Variants in NRXN3 observed in about 807,000 individuals in gnomAD.
NRXN3 encodes neurexin 3, also known as neurexin III.
In NRXN3, 32 loss-of-function variants were observed where a neutral mutation model predicts 137.6. The observed-to-expected ratio is 0.23, with a 90% CI of 0.18 to 0.31. The LOEUF (loss-of-function observed/expected upper bound fraction) is 0.31, where lower values mean the gene tolerates loss of function less well. Among genes scored for constraint, NRXN3 ranks in the 10% least tolerant of loss-of-function variants. The pLI, the probability that NRXN3 is intolerant of heterozygous loss-of-function variation, is 1.00. For missense variants in NRXN3, 1,574 were observed against 2,062.5 expected, an observed-to-expected ratio of 0.76 and a Z score of 4.59; for synonymous variants, 798 against 784.5, an observed-to-expected ratio of 1.02 and a Z score of -0.29.
rs987607150 is a variant in NRXN3, at chr14:79,246,493, G to C, written c.3263-220728G>C. Reference sequence around the variant, plus strand: ...GATCCTCTCCATCCAGTGGAATCCAGCCTTGTCTTTATCTAGCATAAACCT... The same window carrying C: ...GATCCTCTCCATCCAGTGGAATCCACCCTTGTCTTTATCTAGCATAAACCT... On this transcript the variant is annotated intron_variant, in intron 15 of 20. Coordinates refer to ENST00000335750, the MANE Select transcript of NRXN3 (RefSeq NM_001330195.2). Among the ~76,000 whole-genome samples the C allele has an allele frequency of 1.1e-3, 171 of 152,250 alleles. 1 individual carries two copies. Among genetic ancestry groups the C allele is most frequent in the Non-Finnish European group, 3.7e-4 (25 of 68,018 alleles).
chr14:79,619,611 G>C (rs2098199947), intron 16 of NRXN3, among the ~76,000 whole-genome samples: 1 of 151,932 alleles, frequency 6.6e-6, no homozygotes, highest in Admixed American at 6.6e-5. Context: ...CCATCTCAAA[G>C]TCCTAACAAT....
intron 15 of NRXN3, among the ~76,000 whole-genome samples, chr14:79,140,525 T>A (rs1373690068): frequency 2.6e-5 from 4 of 151,866 alleles, no homozygotes; most frequent in Non-Finnish European, 5.9e-5. Context: ...ATGATTTTTT[T>A]AAATCATAAG....
chr14:78,188,816 G>T (rs10130825), intron 1 of NRXN3, among the ~76,000 whole-genome samples: 1 of 152,058 alleles, frequency 6.6e-6, no homozygotes, highest in South Asian at 2.1e-4. Flanking sequence ...GGATTCCTAC[G>T]GGTTGGTTGG....
chr14:78,983,728 G>A (rs182821199), intron 14 of NRXN3, among the ~76,000 whole-genome samples: 150 of 151,826 alleles, frequency 9.9e-4, no homozygotes, highest in Non-Finnish European at 1.6e-3. Flanking sequence ...ATGGTGGTGT[G>A]TGCCTGTAGT....
At chr14:79,169,658 C>G (rs575109474) in intron 15 of NRXN3, among the ~76,000 whole-genome samples, 1 of 152,210 alleles carries the variant, frequency 6.6e-6, no homozygotes, top group South Asian at 2.1e-4. Context: ...TAGATTTTGT[C>G]CTGTATGCCC....
At chr14:79,787,644 C>G (rs1257860558) in intron 19 of NRXN3, among the ~76,000 whole-genome samples, 1 of 152,112 alleles carries the variant, frequency 6.6e-6, no homozygotes, top group Non-Finnish European at 1.5e-5. Context: ...TGAGATCATA[C>G]GGGATTTGTC....
chr14:79,805,034 T>C lies in NRXN3; in HGVS notation c.4015-78T>C, dbSNP rs1603545820. 8 of 977,530 alleles carry C rather than the reference T, an allele frequency of 8.2e-6. No individual in the cohort carries two copies. The Middle Eastern group carries it at 6.4e-4, about 79-fold the overall frequency. The allele number at this position is 977,530 out of a possible 1,614,324, so 60.6% of individuals were successfully genotyped here. ...GGGACACAGTGATAAATCTTTGATG[T>C]CTTTGTTCATTAGTTTCCTTATCTC... On this transcript the variant is annotated intron_variant, in intron 19 of 20. Coordinates refer to ENST00000335750, the MANE Select transcript of NRXN3 (RefSeq NM_001330195.2).
intron 10 of NRXN3, among the ~76,000 whole-genome samples, chr14:78,872,022 C>T (rs546572835): frequency 2.0e-5 from 3 of 152,032 alleles, no homozygotes; most frequent in Admixed American, 1.3e-4. Flanking sequence ...GATCTAACTC[C>T]TCCCCACCTC....
chr14:79,159,706 C>T (rs1470387808), intron 15 of NRXN3, among the ~76,000 whole-genome samples: 1 of 151,700 alleles, frequency 6.6e-6, no homozygotes, highest in East Asian at 2.0e-4. Context: ...CCAAGCTTCA[C>T]CATAAATTTC....
At chr14:79,433,147 A>T (rs61993137) in intron 15 of NRXN3, among the ~76,000 whole-genome samples, 3 of 152,214 alleles carry the variant, frequency 2.0e-5, no homozygotes, top group Non-Finnish European at 4.4e-5. Flanking sequence ...GAATGTCTGC[A>T]GAAAGAAACG....
chr14:79,841,626 A>G (rs2099356061), intron 20 of NRXN3, among the ~76,000 whole-genome samples: 1 of 152,148 alleles, frequency 6.6e-6, no homozygotes. Context: ...CCTGATCACC[A>G]TTCCCCCATT....
At chr14:79,607,450 G>A (rs1452387727) in intron 16 of NRXN3, among the ~76,000 whole-genome samples, 1 of 152,136 alleles carries the variant, frequency 6.6e-6, no homozygotes, top group South Asian at 2.1e-4. Flanking sequence ...TTGTTATTTT[G>A]GCAAAAGCGT....
chr14:79,063,922 T>C (rs1161642335), intron 15 of NRXN3, among the ~76,000 whole-genome samples: 1 of 152,208 alleles, frequency 6.6e-6, no homozygotes, highest in Non-Finnish European at 1.5e-5. Context: ...TATGATCTTT[T>C]TATCTTAGCC....
chr14:78,715,240 C>A lies in NRXN3; in HGVS notation c.2044+101C>A, dbSNP rs557207278. 9 of 1,426,552 alleles carry A rather than the reference C, an allele frequency of 6.3e-6. No homozygotes were observed. In the African/African-American group the frequency reaches 1.3e-4, roughly 20 times the overall value. The allele number at this position is 1,426,552 out of a possible 1,614,324, so 88.4% of individuals were successfully genotyped here. A position where few individuals can be genotyped will look rare whatever the true frequency, so the allele number is the denominator to read the frequency against. ...AAGCCTTCGCACCTACCTGCACTTT[C>A]TTTCTTCCAAGAGTTTTTGGGTTTA... On this transcript the variant is annotated intron_variant, in intron 8 of 20. Transcript: ENST00000335750.
At chr14:79,163,388 G>T (rs1369918065) in intron 15 of NRXN3, among the ~76,000 whole-genome samples, 1 of 151,866 alleles carries the variant, frequency 6.6e-6, no homozygotes, top group East Asian at 1.9e-4. Flanking sequence ...GAAAATGGTG[G>T]CTTTTGGTCT....
At position 78,966,396 on chromosome 14, in the gene NRXN3, C is replaced by T; in HGVS notation, c.2767C>T (p.Leu923Phe). The change falls in exon 12 of 21, where the codon CTT becomes TTT. Residue 923 changes from leucine (L) to phenylalanine (F), a missense_variant. Leu to Phe is a conservative substitution (Grantham distance 22). Transcript: ENST00000335750. Reference sequence around the variant, plus strand: ...TGGCAATGACTTCATTGCAGTCGAGCTTGTCAAGGGGTAAGTAGAAGGGAT... The same window carrying T: ...TGGCAATGACTTCATTGCAGTCGAGTTTGTCAAGGGGTAAGTAGAAGGGAT... Reference protein sequence around the residue: ...GDGNDFIAVELVKGYIHYVFD... With the variant: ...GDGNDFIAVEFVKGYIHYVFD... 6.2e-7 allele frequency: 1 copy of T among 1,612,242 alleles called. No individual in the cohort carries two copies. The highest frequency in any genetic ancestry group is 8.5e-7 in the Non-Finnish European group (1 of 1,178,452).
At chr14:78,984,174 T>C (rs2099497002) in intron 14 of NRXN3, among the ~76,000 whole-genome samples, 1 of 152,142 alleles carries the variant, frequency 6.6e-6, no homozygotes, top group Non-Finnish European at 1.5e-5. Flanking sequence ...CTACAGCAAA[T>C]AATAGCGTAT....
intron 16 of NRXN3, among the ~76,000 whole-genome samples, chr14:79,626,522 A>C (rs1359808378): frequency 6.6e-6 from 1 of 152,142 alleles, no homozygotes; most frequent in Non-Finnish European, 1.5e-5. Context: ...AATATGGCAA[A>C]CATCTCCATG....
At chr14:78,948,628 C>CTTTTTTTTTTTTTT (rs201010514) in intron 10 of NRXN3, among the ~76,000 whole-genome samples, 24 of 108,606 alleles carry the variant, frequency 2.2e-4, no homozygotes, top group Non-Finnish European at 3.6e-4. Context: ...ACACATTTAA[C>CTTTTTTTTTTTTTT]TTTTTTTTTT....
Sources: gnomAD v4.1 joint callset for allele counts (sites outside exome capture counted in the v4.1 genomes callset) on GRCh38, gnomAD v4.1.1 for gene constraint, MANE v1.5 for transcripts, NCBI Gene and HGNC (gene_info 2026-07-23, HGNC 2026-07-21) for gene names.